CNTNAP5: variants seen among roughly 807,000 people sequenced by gnomAD.
CNTNAP5 encodes contactin associated protein family member 5.
CNTNAP5 carries 72 observed loss-of-function variants against 150.2 expected under a neutral mutation model. The observed-to-expected ratio is 0.48, with a 90% CI of 0.40 to 0.58. CNTNAP5 has a LOEUF of 0.58. Among genes scored for constraint, CNTNAP5 ranks in the 20% least tolerant of loss-of-function variants. CNTNAP5 has a pLI of 0.00. For synonymous variants in CNTNAP5, 672 were observed against 619.8 expected, an observed-to-expected ratio of 1.08 and a Z score of -1.25; for missense variants, 1,636 against 1,626.2, an observed-to-expected ratio of 1.01 and a Z score of -0.10.
chr2:124,568,200 T>G (rs1190221516), intron 11 of CNTNAP5, among the ~76,000 whole-genome samples: 5 of 152,178 alleles, frequency 3.3e-5, no homozygotes, highest in African/African-American at 9.7e-5. Context: ...AGATCATAAT[T>G]GAAAATACAG....
intron 1 of CNTNAP5, among the ~76,000 whole-genome samples, chr2:124,035,874 C>G (rs1238880193): frequency 6.7e-6 from 1 of 148,190 alleles, no homozygotes; most frequent in Non-Finnish European, 1.5e-5. Context: ...CTCCTCATCT[C>G]AGAACAACAG....
chr2:124,782,071 A>T (rs1448129777), intron 17 of CNTNAP5, among the ~76,000 whole-genome samples: 1 of 152,080 alleles, frequency 6.6e-6, no homozygotes, highest in African/African-American at 2.4e-5. Flanking sequence ...TCTTTTTTAT[A>T]ATACCTCCAC....
rs202068928 is a variant in CNTNAP5, at chr2:124,255,524, A to AAAAAT, written c.381+13189_381+13193dup. On this transcript the variant is annotated intron_variant, in intron 3 of 23. Coordinates refer to ENST00000682447, the MANE Select transcript of CNTNAP5 (RefSeq NM_001367498.1). ...GGGCAACAGAGCGAGACTCTGTCTCAAAAATAAAATAAAATAAAATAAAAT... is the reference window on the plus strand; with the variant it reads ...GGGCAACAGAGCGAGACTCTGTCTCAAAAATAAAATAAAATAAAATAAAATAAAAT... Among the ~76,000 whole-genome samples the AAAAAT allele has an allele frequency of 2.3e-3, 300 of 132,146 alleles. 7 individuals are homozygous for AAAAAT. The highest frequency in any genetic ancestry group is 7.3e-3 in the African/African-American group (253 of 34,760). 86.7% of individuals were successfully genotyped at this position (132,146 alleles called of 152,430 possible). A position where few individuals can be genotyped will look rare whatever the true frequency, so the allele number is the denominator to read the frequency against.
intron 3 of CNTNAP5, among the ~76,000 whole-genome samples, chr2:124,332,823 T>C (rs1689381791): frequency 6.6e-6 from 1 of 152,274 alleles, no homozygotes; most frequent in Non-Finnish European, 1.5e-5. Flanking sequence ...AAAAGTTGTG[T>C]GTCTGTATTA....
At chr2:124,036,703 A>G (rs1003251217) in intron 1 of CNTNAP5, among the ~76,000 whole-genome samples, 1 of 152,148 alleles carries the variant, frequency 6.6e-6, no homozygotes, top group African/African-American at 2.4e-5. Context: ...TTTCAAACCT[A>G]CACTCTGTGC....
chr2:124,816,453 C>T (rs936834853), intron 19 of CNTNAP5, among the ~76,000 whole-genome samples: 31 of 150,748 alleles, frequency 2.1e-4, no homozygotes, highest in Middle Eastern at 3.4e-3. Flanking sequence ...TGTGGCACTC[C>T]CTATTGGCCT....
intron 1 of CNTNAP5, among the ~76,000 whole-genome samples, chr2:124,062,931 A>G (rs1019309956): frequency 6.6e-5 from 10 of 152,146 alleles, no homozygotes; most frequent in African/African-American, 2.4e-4. Context: ...CTGGGAGAGT[A>G]TATCACATTC....
At chr2:124,426,569 G>C (rs1015660579) in intron 4 of CNTNAP5, among the ~76,000 whole-genome samples, 1 of 152,346 alleles carries the variant, frequency 6.6e-6, no homozygotes, top group African/African-American at 2.4e-5. Flanking sequence ...GATTGTCTCA[G>C]GGTGAATCGA....
At chr2:124,257,407 T>C (rs1213155897) in intron 3 of CNTNAP5, among the ~76,000 whole-genome samples, 2 of 152,198 alleles carry the variant, frequency 1.3e-5, no homozygotes, top group South Asian at 2.1e-4. Context: ...CCACTGCTGG[T>C]TCAATACGTC....
chr2:124,247,703 G>A (rs1397809846), intron 3 of CNTNAP5, among the ~76,000 whole-genome samples: 1 of 152,058 alleles, frequency 6.6e-6, no homozygotes, highest in African/African-American at 2.4e-5. Flanking sequence ...TAATAAATTA[G>A]ATATAAGATA....
chr2:124,358,476 C>T (rs1322825955), intron 3 of CNTNAP5, among the ~76,000 whole-genome samples: 3 of 152,232 alleles, frequency 2.0e-5, no homozygotes, highest in Admixed American at 2.0e-4. Context: ...GTAATATGTC[C>T]CATCAATACC....
intron 10 of CNTNAP5, among the ~76,000 whole-genome samples, chr2:124,534,754 G>A (rs1695190231): frequency 6.6e-6 from 1 of 152,098 alleles, no homozygotes; most frequent in African/African-American, 2.4e-5. Context: ...ATGAGGATGA[G>A]CAGAGATCAC....
chr2:124,467,928 A>G (rs904706915), intron 6 of CNTNAP5, among the ~76,000 whole-genome samples: 1 of 152,174 alleles, frequency 6.6e-6, no homozygotes, highest in Non-Finnish European at 1.5e-5. Flanking sequence ...TTTAAAAAGT[A>G]GTACATTATT....
intron 7 of CNTNAP5, among the ~76,000 whole-genome samples, chr2:124,503,819 C>T (rs1258333297): frequency 6.6e-6 from 1 of 152,138 alleles, no homozygotes; most frequent in Non-Finnish European, 1.5e-5. Context: ...TCAAGTTACC[C>T]CCACTCCACC....
chr2:124,508,514 T>G (rs954991309), intron 8 of CNTNAP5, among the ~76,000 whole-genome samples: 1 of 152,186 alleles, frequency 6.6e-6, no homozygotes, highest in Admixed American at 6.5e-5. Flanking sequence ...ACATTGCTCT[T>G]AAAAATCCAG....
chr2:124,330,505 G>C (rs940794210), intron 3 of CNTNAP5, among the ~76,000 whole-genome samples: 6 of 152,100 alleles, frequency 3.9e-5, no homozygotes, highest in African/African-American at 1.2e-4. Flanking sequence ...GTGATAGTGT[G>C]TGAGTTCTCA....
At chr2:124,243,320 C>T (rs528015791) in intron 3 of CNTNAP5, among the ~76,000 whole-genome samples, 1 of 151,968 alleles carries the variant, frequency 6.6e-6, no homozygotes, top group Non-Finnish European at 1.5e-5. Context: ...CCAATTTATA[C>T]TTTACATTAG....
chr2:124,751,630 T>C (rs1680729607), intron 14 of CNTNAP5, among the ~76,000 whole-genome samples: 1 of 152,248 alleles, frequency 6.6e-6, no homozygotes, highest in Non-Finnish European at 1.5e-5. Flanking sequence ...TTCAAATTTT[T>C]GTTTTAGACC....
chr2:124,254,048 T>A (rs1687249297), intron 3 of CNTNAP5, among the ~76,000 whole-genome samples: 1 of 152,140 alleles, frequency 6.6e-6, no homozygotes, highest in Non-Finnish European at 1.5e-5. Context: ...GCATTTTATA[T>A]CCTAAGCCTT....
Sources: gnomAD v4.1 joint callset for allele counts (sites outside exome capture counted in the v4.1 genomes callset) on GRCh38, gnomAD v4.1.1 for gene constraint, MANE v1.5 for transcripts, NCBI Gene and HGNC (gene_info 2026-07-23, HGNC 2026-07-21) for gene names.